ADD2: variants seen among roughly 807,000 people sequenced by gnomAD.
The protein encoded by ADD2 is beta-adducin.
Under a neutral mutation model 83.0 loss-of-function variants are expected in ADD2, and 23 were observed. That is an observed-to-expected ratio of 0.28 (90% CI 0.20 to 0.39). The LOEUF is 0.39. ADD2 is among the 10% of genes least tolerant of loss of function. ADD2 has a pLI of 1.00. For missense variants in ADD2, 758 were observed against 944.9 expected (o/e 0.80, Z 2.59); for synonymous variants, 375 against 375.4 (o/e 1.00, Z 0.01).
chr2:70,726,342 G>A (rs558177349), intron 1 of ADD2, among the ~76,000 whole-genome samples: 11 of 152,314 alleles, frequency 7.2e-5, no homozygotes, highest in African/African-American at 2.4e-4. Flanking sequence ...GCTTTCAGCT[G>A]TGGGATAAAG....
intron 4 of ADD2, among the ~76,000 whole-genome samples, 186 bp from the exon 5 acceptor site, chr2:70,696,582 G>A (rs1671326220): frequency 6.6e-6 from 1 of 152,168 alleles, no homozygotes; most frequent in South Asian, 2.1e-4. Context: ...GCCCAATAAA[G>A]TCTGCTCATT....
chr2:70,713,262 A>C, intron 1 of ADD2, 78 bp from the exon 2 acceptor site: 3 of 562,868 alleles, frequency 5.3e-6, no homozygotes, highest in Non-Finnish European at 4.5e-6. Context: ...GCTTCTGGGA[A>C]ATTCCTTAAA....
At position 70,712,099 on chromosome 2, in the gene ADD2, C is replaced by T. The variant is rs1403618235; in HGVS notation, c.-35+967G>A. Among the ~76,000 whole-genome samples, 5 of 152,062 alleles carry T rather than the reference C, an allele frequency of 3.3e-5. 1 individual carries two copies. In the East Asian group the frequency reaches 9.6e-4, roughly 29 times the overall value. Reference sequence around the variant, plus strand: ...ACTTTTATTCATGATGTATTTTCGCCCCCAGGACCAATCTATGAGGTCGAT... The same window carrying T: ...ACTTTTATTCATGATGTATTTTCGCTCCCAGGACCAATCTATGAGGTCGAT... On this transcript the variant is annotated intron_variant, in intron 2 of 15. Transcript: ENST00000264436.
rs1675383497 is a variant in ADD2, at chr2:70,657,039, T to C, written c.*6386A>G. On this transcript the variant is annotated 3_prime_UTR_variant, in exon 16 of 16. Coordinates refer to ENST00000264436, the MANE Select transcript of ADD2 (RefSeq NM_001617.4). ...TATATATATAATATGTGTATATATA[T>C]AAAATTGCAAAATAAAAGCCCAAGA... The C allele has an allele frequency of 6.6e-6, 1 of 151,070 alleles. No individual in the cohort carries two copies. Among genetic ancestry groups the C allele is most frequent in the Non-Finnish European group, 1.5e-5 (1 of 67,858 alleles). 9.4% of individuals were successfully genotyped at this position (151,070 alleles called of 1,614,324 possible). A position where few individuals can be genotyped will look rare whatever the true frequency, so the allele number is the denominator to read the frequency against.
At chr2:70,697,386 T>A (rs1191213038) in intron 4 of ADD2, among the ~76,000 whole-genome samples, 1 of 152,150 alleles carries the variant, frequency 6.6e-6, no homozygotes, top group African/African-American at 2.4e-5. Context: ...GGTTTGATAG[T>A]CTTGTCCTCA....
At chr2:70,704,250 C>T in intron 4 of ADD2, 71 bp downstream of exon 4, 8 of 1,440,398 alleles carry the variant, frequency 5.6e-6, no homozygotes, top group East Asian at 2.4e-5. Flanking sequence ...CTTCTTGCTG[C>T]TCCTCCCTCT....
At chr2:70,669,885 C>T (rs1435990134) in intron 15 of ADD2, among the ~76,000 whole-genome samples, 1 of 152,178 alleles carries the variant, frequency 6.6e-6, no homozygotes, top group African/African-American at 2.4e-5. Flanking sequence ...GACAGACAGA[C>T]AGACAGACAC....
At chr2:70,722,321 A>C (rs1192594643) in intron 1 of ADD2, among the ~76,000 whole-genome samples, 1 of 152,212 alleles carries the variant, frequency 6.6e-6, no homozygotes, top group Non-Finnish European at 1.5e-5. Flanking sequence ...GAAAAAAAAA[A>C]CATTGCTAAC....
intron 1 of ADD2, among the ~76,000 whole-genome samples, chr2:70,763,933 G>A (rs903298936): frequency 6.6e-6 from 1 of 151,446 alleles, no homozygotes; most frequent in African/African-American, 2.4e-5. Flanking sequence ...TGTTGCCCAG[G>A]CTGGAGTGCA....
intron 1 of ADD2, among the ~76,000 whole-genome samples, chr2:70,719,650 C>T (rs1240067904): frequency 2.0e-5 from 3 of 152,216 alleles, no homozygotes; most frequent in East Asian, 1.9e-4. Context: ...AACTTGGAAA[C>T]TATGCAGATA....
At chr2:70,672,741 C>G (rs1286179214) in intron 15 of ADD2, 137 bp downstream of exon 15, 1 of 970,226 alleles carries the variant, frequency 1.0e-6, no homozygotes, top group East Asian at 2.7e-5. Context: ...ACTTGATAAC[C>G]CCTATTTCTG....
intron 15 of ADD2, among the ~76,000 whole-genome samples, chr2:70,669,252 T>C (rs926518836): frequency 6.6e-6 from 1 of 152,122 alleles, no homozygotes. Context: ...AACATCCGTG[T>C]CTGAAAGAAT....
intron 14 of ADD2, chr2:70,673,282 C>T (rs375660559): frequency 4.7e-5 from 76 of 1,614,118 alleles, no homozygotes; most frequent in Admixed American, 1.2e-4. Flanking sequence ...CTGAAGAACT[C>T]GCACACGGCC....
At chr2:70,669,942 T>A (rs1553366823) in intron 15 of ADD2, among the ~76,000 whole-genome samples, 1 of 152,112 alleles carries the variant, frequency 6.6e-6, no homozygotes, top group African/African-American at 2.4e-5. Flanking sequence ...TAGCTGCCCC[T>A]GCTAAGGTAC....
chr2:70,710,796 A>C (rs1375500545), intron 2 of ADD2, among the ~76,000 whole-genome samples: 1 of 152,206 alleles, frequency 6.6e-6, no homozygotes, highest in African/African-American at 2.4e-5. Context: ...ACTACCTTGA[A>C]ACGTACTTGT....
intron 4 of ADD2, among the ~76,000 whole-genome samples, chr2:70,700,251 T>C (rs2104361495): frequency 6.6e-6 from 1 of 152,306 alleles, no homozygotes; most frequent in Non-Finnish European, 1.5e-5. Context: ...AAATAGGCCA[T>C]ATTTTCTAAA....
chr2:70,729,241 G>T (rs3771431), intron 1 of ADD2, among the ~76,000 whole-genome samples: 43,600 of 152,012 alleles, frequency 0.29, 6,796 homozygotes, highest in East Asian at 0.57. Context: ...GGCCCACCAT[G>T]CACCATGTTC....
At chr2:70,665,271 T>G (rs1675738935) in intron 15 of ADD2, among the ~76,000 whole-genome samples, 1 of 152,128 alleles carries the variant, frequency 6.6e-6, no homozygotes, top group South Asian at 2.1e-4. Flanking sequence ...GTGAACCACC[T>G]GGGCCAGATC....
chr2:70,689,122 C>T (rs1316818442), intron 8 of ADD2, among the ~76,000 whole-genome samples: 1 of 152,024 alleles, frequency 6.6e-6, no homozygotes, highest in Admixed American at 6.6e-5. Context: ...CGGAAAGTCT[C>T]TCAGCTAATT....
Sources: allele counts gnomAD v4.1 joint callset (sites outside exome capture counted in the v4.1 genomes callset), GRCh38; gene constraint gnomAD v4.1.1; transcripts MANE v1.5; gene names NCBI Gene and HGNC (gene_info 2026-07-23, HGNC 2026-07-21).